ARHGEF26: variants seen among roughly 807,000 people sequenced by gnomAD.
ARHGEF26 encodes Rho guanine nucleotide exchange factor (GEF) 26.
In ARHGEF26, 59 loss-of-function variants were observed where a neutral mutation model predicts 89.4. The observed-to-expected ratio is 0.66, with a 90% confidence interval of 0.54 to 0.82. The LOEUF (loss-of-function observed/expected upper bound fraction) is 0.82. Ranked by LOEUF, ARHGEF26 falls within the 40% of genes least tolerant of loss-of-function variation. The pLI is 0.00. For synonymous variants in ARHGEF26, 500 were observed against 428.4 expected (o/e 1.17, Z -2.06); for missense variants, 1,234 against 1,085.6 (o/e 1.14, Z -1.92).
At chr3:154,147,324 T>C (rs1436085585) in intron 4 of ARHGEF26, among the ~76,000 whole-genome samples, 1 of 152,162 alleles carries the variant, frequency 6.6e-6, no homozygotes, top group Non-Finnish European at 1.5e-5. Context: ...GGCAGGAGAA[T>C]CGCTTGAACC....
intron 8 of ARHGEF26, among the ~76,000 whole-genome samples, chr3:154,194,251 G>T (rs1411073941): frequency 6.6e-6 from 1 of 152,106 alleles, no homozygotes; most frequent in South Asian, 2.1e-4. Flanking sequence ...CACTAATAAA[G>T]AACTTTACAT....
rs866127873 is a variant in ARHGEF26 at position 154,208,626 on chromosome 3, T to A, written c.1846-9243T>A. 4.7e-4 allele frequency among the ~76,000 whole-genome samples: 72 copies of A among 152,154 alleles called. 1 individual carries two copies. Among genetic ancestry groups the A allele is most frequent in the African/African-American group, 1.7e-3 (71 of 41,514 alleles). ...TAGCTCCTGTAGCCATGCTTAATCA[T>A]TTTGTATTCTTTTTTCTGTTATCTC... On this transcript the variant is annotated intron_variant, in intron 9 of 14. Coordinates refer to ENST00000465093, the MANE Select transcript of ARHGEF26 (RefSeq NM_015595.4).
intron 6 of ARHGEF26, among the ~76,000 whole-genome samples, chr3:154,168,750 C>T (rs1576728747): frequency 6.6e-6 from 1 of 152,026 alleles, no homozygotes; most frequent in Non-Finnish European, 1.5e-5. Context: ...TAGATACAGG[C>T]AAATAAAAAT....
chr3:154,187,748 T>G lies in ARHGEF26; in HGVS notation c.1551T>G (p.Ile517Met). The G allele has an allele frequency of 1.2e-6, 2 of 1,612,032 alleles. No homozygotes were observed. Among genetic ancestry groups the G allele is most frequent in the Non-Finnish European group, 1.7e-6 (2 of 1,178,928 alleles). Residue 517 changes from isoleucine (I) to methionine (M), a missense_variant, in exon 7 of 15, where the codon ATT becomes ATG. Transcript: ENST00000465093. The stretch of plus-strand genomic sequence containing the variant: ...TCTTCATAGATGACATAAGTGACAT[T>G]GTGGAAAAACACACAGCATCCACAT... ...NNIFIDDISD[I>M]VEKHTASTFD...
intron 9 of ARHGEF26, among the ~76,000 whole-genome samples, chr3:154,217,345 G>A (rs952533037): frequency 6.6e-6 from 1 of 151,888 alleles, no homozygotes; most frequent in African/African-American, 2.4e-5. Context: ...TTTGAGAAGT[G>A]TCTGTTCATG....
At position 154,250,059 on chromosome 3, in the gene ARHGEF26, T is replaced by C. The variant is rs573967502; in HGVS notation, c.2301-3057T>C. Among the ~76,000 whole-genome samples, 33 of 152,242 alleles carry C rather than the reference T, an allele frequency of 2.2e-4. No homozygotes were observed. In the East Asian group the frequency reaches 4.1e-3, roughly 19 times the overall value. On this transcript the variant is annotated intron_variant, in intron 12 of 14. Transcript: ENST00000465093. ...GGCTCTTTTTTTTTGAGACGGAGTT[T>C]TGCTCTTGTCGCCTAGGCTGGAGTG...
intron 6 of ARHGEF26, 22 bp from the exon 7 acceptor site, chr3:154,187,663 T>C: frequency 6.3e-7 from 1 of 1,576,868 alleles, no homozygotes; most frequent in Non-Finnish European, 8.6e-7. Flanking sequence ...GTGTTAATTT[T>C]TTTTTCCCTT....
Position 154,255,792 on chromosome 3 carries a change from T to C in ARHGEF26, c.*319T>C. 3 of 1,113,048 alleles carry C rather than the reference T, an allele frequency of 2.7e-6. No individual in the cohort carries two copies. The highest frequency in any genetic ancestry group is 3.7e-5 in the South Asian group (1 of 27,180). 68.9% of individuals were successfully genotyped at this position (1,113,048 alleles called of 1,614,324 possible). A position where few individuals can be genotyped will look rare whatever the true frequency, so the allele number is the denominator to read the frequency against. ...ATGTTCTGGCAATAAAAAACACATA[T>C]TATATCCTGGTTTTCTCTATCCTTG... On this transcript the variant is annotated 3_prime_UTR_variant, in exon 15 of 15. Transcript: ENST00000465093.
chr3:154,188,672 G>A (rs2108180240), intron 7 of ARHGEF26, among the ~76,000 whole-genome samples: 1 of 152,240 alleles, frequency 6.6e-6, no homozygotes, highest in Admixed American at 6.5e-5. Flanking sequence ...ACGGCATGGA[G>A]CTTCGGTCAA....
rs1718587227 is a variant in ARHGEF26 at position 154,257,363 on chromosome 3, C to CGG, written c.*1890_*1891insGG. The CGG allele has an allele frequency of 6.5e-6, 1 of 154,276 alleles. No homozygotes were observed. The allele number at this position is 154,276 out of a possible 1,614,324, so 9.6% of individuals were successfully genotyped here. On this transcript the variant is annotated 3_prime_UTR_variant, in exon 15 of 15. Transcript: ENST00000465093. The stretch of plus-strand genomic sequence containing the variant: ...TTCCGTCACCTCTTTAATAATGTCA[C>CGG]AGACTTTTTAAAAGAGAGGCTATCA...
rs765346404 is a variant in ARHGEF26, at chr3:154,122,896, G to C, written c.904G>C (p.Val302Leu). ...GGAGGAGAGTGAGGTCGATAACGAC[G>C]TGGATAGCCCAGGGTCTCTGCGGAG... is the stretch of plus-strand genomic sequence containing the variant. ...AGEESEVDND[V>L]DSPGSLRRGL... Residue 302 changes from valine to leucine, a missense_variant, in exon 2 of 15, where the codon GTG (valine) becomes CTG (leucine). Transcript: ENST00000465093. 6.2e-7 allele frequency: 1 copy of C among 1,613,158 alleles called. No homozygotes were observed. Among genetic ancestry groups the C allele is most frequent in the Non-Finnish European group, 8.5e-7 (1 of 1,179,542 alleles).
chr3:154,241,903 G>A (rs1717503072), intron 12 of ARHGEF26, among the ~76,000 whole-genome samples: 1 of 152,212 alleles, frequency 6.6e-6, no homozygotes, highest in Non-Finnish European at 1.5e-5. Flanking sequence ...AATTGACTTA[G>A]TAGGGTTCTT....
At chr3:154,188,133 G>A (rs189060327) in intron 7 of ARHGEF26, among the ~76,000 whole-genome samples, 63 of 152,172 alleles carry the variant, frequency 4.1e-4, no homozygotes, top group African/African-American at 1.1e-3. Flanking sequence ...CTCTAAACCC[G>A]CAGTTTTCTA....
Position 154,129,565 on chromosome 3 carries a change from T to C in ARHGEF26, c.1124-9T>C, listed in dbSNP as rs771484932. The C allele has an allele frequency of 1.2e-6, 2 of 1,610,102 alleles. No individual in the cohort carries two copies. Among genetic ancestry groups the C allele is most frequent in the South Asian group, 2.2e-5 (2 of 90,106 alleles). On this transcript the variant is annotated splice_polypyrimidine_tract_variant and intron_variant, in intron 3 of 14. Transcript: ENST00000465093. Reference sequence around the variant, plus strand: ...CAATTAGTGACACATAGGCCTTGTTTTCTTGCAGAAAATGCTGTCCTGTAT... The same window carrying C: ...CAATTAGTGACACATAGGCCTTGTTCTCTTGCAGAAAATGCTGTCCTGTAT...
At chr3:154,138,890 G>A (rs917698681) in intron 4 of ARHGEF26, among the ~76,000 whole-genome samples, 2 of 152,186 alleles carry the variant, frequency 1.3e-5, no homozygotes, top group Non-Finnish European at 2.9e-5. Context: ...CCTGAATGGC[G>A]AGACAGATGT....
At position 154,129,763 on chromosome 3, in the gene ARHGEF26, A is replaced by G. The variant is rs1228791715; in HGVS notation, c.1269+44A>G. The G allele has an allele frequency of 2.6e-6, 4 of 1,561,116 alleles. No individual in the cohort carries two copies. The East Asian group carries it at 6.9e-5, about 27-fold the overall frequency. The stretch of plus-strand genomic sequence containing the variant: ...TTCTATCTGTGGTAGGAAAAAAACA[A>G]GTTTTGGAAATTATGTGTGGATTTG... On this transcript the variant is annotated intron_variant, in intron 4 of 14. Coordinates refer to ENST00000465093, the MANE Select transcript of ARHGEF26 (RefSeq NM_015595.4).
At chr3:154,239,363 GAGAC>G (rs1488949044) in intron 11 of ARHGEF26, among the ~76,000 whole-genome samples, 26 of 150,866 alleles carry the variant, frequency 1.7e-4, no homozygotes, top group Non-Finnish European at 3.1e-4. Flanking sequence ...TTGTTGGAGA[GAGAC>G]AGAGAGCCAG....
chr3:154,247,428 C>G (rs897591688), intron 12 of ARHGEF26, among the ~76,000 whole-genome samples: 7 of 152,172 alleles, frequency 4.6e-5, no homozygotes, highest in African/African-American at 1.4e-4. Flanking sequence ...CCACTGCCTC[C>G]TTCCTAGGTC....
intron 4 of ARHGEF26, among the ~76,000 whole-genome samples, chr3:154,135,574 C>T (rs554773548): frequency 3.3e-5 from 5 of 152,152 alleles, no homozygotes; most frequent in African/African-American, 4.8e-5. Context: ...GAGACAAAAA[C>T]CCTGCTGCAC....
Sources: gnomAD v4.1 joint callset for allele counts (sites outside exome capture counted in the v4.1 genomes callset) on GRCh38, gnomAD v4.1.1 for gene constraint, MANE v1.5 for transcripts, NCBI Gene and HGNC (gene_info 2026-07-23, HGNC 2026-07-21) for gene names.